LYRM1: variants seen among roughly 807,000 people sequenced by gnomAD.
LYRM1 encodes the protein LYR motif containing 1.
Under a neutral mutation model 14.9 loss-of-function variants are expected in LYRM1, and 14 were observed. The ratio of observed to expected loss-of-function variants is 0.94; its 90% confidence interval spans 0.62 to 1.47. LYRM1 has a LOEUF of 1.47. Among genes scored for constraint, LYRM1 ranks in the 40% most tolerant of loss-of-function variants. The pLI, the probability that LYRM1 is intolerant of heterozygous loss-of-function variation, is 0.00. For synonymous variants in LYRM1, 43 were observed against 56.2 expected (o/e 0.77, Z 1.05); for missense variants, 153 against 149.9 (o/e 1.02, Z -0.11).
At chr16:20,907,448 T>C (rs1005232330) in intron 1 of LYRM1, among the ~76,000 whole-genome samples, 6 of 152,146 alleles carry the variant, frequency 3.9e-5, no homozygotes, top group Non-Finnish European at 8.8e-5. Context: ...GCAGCCTTTA[T>C]CACCTGGGCT....
intron 1 of LYRM1, among the ~76,000 whole-genome samples, chr16:20,913,197 AG>A (rs1412659318): frequency 5.9e-5 from 9 of 151,718 alleles, no homozygotes; most frequent in Non-Finnish European, 8.8e-5. Context: ...TCCTTCTAGG[AG>A]AGGAAGGGAA....
chr16:20,915,408 C>T (rs1025136151), intron 1 of LYRM1, 148 bp from the exon 2 acceptor site: 3 of 659,418 alleles, frequency 4.5e-6, no homozygotes, highest in East Asian at 5.9e-5. Context: ...TCCAGTGAGC[C>T]GAGATTGCAC....
At chr16:20,923,854 G>A in intron 3 of LYRM1, 146 bp from the exon 4 acceptor site, 1 of 538,148 alleles carries the variant, frequency 1.9e-6, no homozygotes, top group South Asian at 2.9e-5. Context: ...TGAGGTTGTT[G>A]TAGGATTAAC....
intron 2 of LYRM1, among the ~76,000 whole-genome samples, chr16:20,919,834 A>G (rs2083093197): frequency 6.6e-6 from 1 of 152,230 alleles, no homozygotes; most frequent in Non-Finnish European, 1.5e-5. Context: ...AAGAACACAC[A>G]AGAAACTGCT....
At chr16:20,916,067 TTTG>T (rs150039228) in intron 2 of LYRM1, among the ~76,000 whole-genome samples, 11 of 25,692 alleles carry the variant, frequency 4.3e-4, no homozygotes, top group South Asian at 4.3e-3. Context: ...AAAGTGGTTT[TTTG>T]TTGTTGTTGT....
intron 1 of LYRM1, among the ~76,000 whole-genome samples, chr16:20,908,480 A>G (rs1190199289): frequency 6.6e-6 from 1 of 152,300 alleles, no homozygotes; most frequent in East Asian, 1.9e-4. Context: ...AGCCCTGCCT[A>G]TTGTTAGCTG....
intron 1 of LYRM1, among the ~76,000 whole-genome samples, chr16:20,913,487 T>G (rs2082707995): frequency 6.6e-6 from 1 of 152,078 alleles, no homozygotes; most frequent in Non-Finnish European, 1.5e-5. Context: ...AATTTTTGTA[T>G]TTTTAGTAGA....
intron 1 of LYRM1, among the ~76,000 whole-genome samples, chr16:20,912,236 G>A (rs1349055270): frequency 7.1e-6 from 1 of 139,954 alleles, no homozygotes; most frequent in East Asian, 2.2e-4. Flanking sequence ...GCCACTGCAC[G>A]TGGCCTTAAA....
chr16:20,924,785 T>C lies in LYRM1; in HGVS notation c.*669T>C, dbSNP rs940868674. ...ACTCATACTACATTCGTTACGAGTA[T>C]TTTACGTTAACATAATTGAAAAGTA... is the stretch of plus-strand genomic sequence containing the variant. On this transcript the variant is annotated 3_prime_UTR_variant, in exon 4 of 4. Coordinates refer to ENST00000567954, the MANE Select transcript of LYRM1 (RefSeq NM_001128302.3). 3 of 152,244 alleles carry C rather than the reference T, an allele frequency of 2.0e-5. No individual in the cohort carries two copies. Among genetic ancestry groups the C allele is most frequent in the African/African-American group, 7.2e-5 (3 of 41,472 alleles). The allele number at this position is 152,244 out of a possible 1,614,324, so 9.4% of individuals were successfully genotyped here.
rs757309069 is a variant in LYRM1, at chr16:20,915,663, A to G, written c.108A>G (p.Glu36=). 6.2e-7 allele frequency: 1 copy of G among 1,614,222 alleles called. No individual in the cohort carries two copies. The highest frequency in any genetic ancestry group is 1.7e-5 in the Admixed American group (1 of 60,028). ...TSGQMEDTIK[E]KQYILNEART... is the part of the protein sequence containing the mutation. ...GGCAGATGGAAGACACCATCAAAGA[A>G]AAACAGTACATACTAAATGAAGCCA... Residue 36 remains glutamate, a synonymous_variant, in exon 2 of 4, where the codon GAA becomes GAG. Coordinates refer to ENST00000567954, the MANE Select transcript of LYRM1 (RefSeq NM_001128302.3).
chr16:20,920,148 G>T lies in LYRM1; in HGVS notation c.186G>T (p.Gln62His). Reference protein sequence around the residue: ...KNLTDTDLIKQCIDECTARIE... With the variant: ...KNLTDTDLIKHCIDECTARIE... ...TCACGGACACAGACCTAATTAAACA[G>T]TGTATAGATGAATGCACAGCCAGGA... The change falls in exon 3 of 4, where the codon CAG becomes CAT. Residue 62 changes from glutamine to histidine, a missense_variant. By Grantham distance (24) the Gln-to-His change is conservative. Transcript: ENST00000567954. 1 of 1,613,896 alleles carries T rather than the reference G, an allele frequency of 6.2e-7. No individual in the cohort carries two copies. Among genetic ancestry groups the T allele is most frequent in the African/African-American group, 1.3e-5 (1 of 75,018 alleles).
At chr16:20,917,301 T>C (rs1465103962) in intron 2 of LYRM1, among the ~76,000 whole-genome samples, 1 of 152,148 alleles carries the variant, frequency 6.6e-6, no homozygotes. Context: ...GGAAATAAAA[T>C]ACAACTGCTA....
chr16:20,913,502 G>A (rs1421735805), intron 1 of LYRM1, among the ~76,000 whole-genome samples: 2 of 151,984 alleles, frequency 1.3e-5, no homozygotes, highest in African/African-American at 4.8e-5. Flanking sequence ...AGTAGAGACT[G>A]GGTTTCACCA....
chr16:20,910,774 TA>T (rs1167144860), intron 1 of LYRM1, among the ~76,000 whole-genome samples: 42 of 144,738 alleles, frequency 2.9e-4, no homozygotes, highest in South Asian at 4.4e-4. Flanking sequence ...ACCCTGCCTC[TA>T]AAAAAAAAAA....
In LYRM1 at chr16:20,920,318, A is replaced by G. The variant is rs1311667659; in HGVS notation, c.252+104A>G. 3.5e-6 allele frequency: 3 copies of G among 863,326 alleles called. No individual in the cohort carries two copies. In the South Asian group the frequency reaches 4.0e-5, roughly 12 times the overall value. 53.5% of individuals were successfully genotyped at this position (863,326 alleles called of 1,614,324 possible). A position where few individuals can be genotyped will look rare whatever the true frequency, so the allele number is the denominator to read the frequency against. Reference sequence around the variant, plus strand: ...GGCGAGTGCTTGCTGAGAAGCCCAGAGCTGCTGTGGGAGGCATGTTGGAAA... The same window carrying G: ...GGCGAGTGCTTGCTGAGAAGCCCAGGGCTGCTGTGGGAGGCATGTTGGAAA... On this transcript the variant is annotated intron_variant, in intron 3 of 3. Transcript: ENST00000567954.
At chr16:20,923,890 T>C in intron 3 of LYRM1, 110 bp from the exon 4 acceptor site, 2 of 612,658 alleles carry the variant, frequency 3.3e-6, no homozygotes, top group East Asian at 5.5e-5. Context: ...TGAATCAATG[T>C]AGATACAGCA....
At chr16:20,916,337 G>A (rs1249363578) in intron 2 of LYRM1, among the ~76,000 whole-genome samples, 1 of 152,134 alleles carries the variant, frequency 6.6e-6, no homozygotes, top group Non-Finnish European at 1.5e-5. Flanking sequence ...AGCGTTAGCT[G>A]TTAGCTCCGG....
chr16:20,917,370 T>C (rs1417759493), intron 2 of LYRM1, among the ~76,000 whole-genome samples: 3 of 151,928 alleles, frequency 2.0e-5, no homozygotes, highest in Non-Finnish European at 4.4e-5. Context: ...TACAATGAAC[T>C]TGTTAGTACA....
intron 1 of LYRM1, among the ~76,000 whole-genome samples, chr16:20,907,055 C>T (rs190575020): frequency 6.6e-6 from 1 of 152,272 alleles, no homozygotes; most frequent in East Asian, 1.9e-4. Flanking sequence ...AAATGATCAT[C>T]CAGCTTTTTT....
Sources: allele counts gnomAD v4.1 joint callset (sites outside exome capture counted in the v4.1 genomes callset), GRCh38; gene constraint gnomAD v4.1.1; transcripts MANE v1.5; gene names NCBI Gene and HGNC (gene_info 2026-07-23, HGNC 2026-07-21).